TMEM39A: variants seen among roughly 807,000 people sequenced by gnomAD.
The protein encoded by TMEM39A is transmembrane protein 39A, also known as suppressor of SQST-1 aggregates in rpl-43 mutants.
In TMEM39A, 19 loss-of-function variants were observed where a neutral mutation model predicts 51.9. The observed-to-expected ratio is 0.37, with a 90% confidence interval of 0.26 to 0.54. TMEM39A has a LOEUF of 0.54. Among genes scored for constraint, TMEM39A ranks in the 20% least tolerant of loss-of-function variants. The probability of loss-of-function intolerance (pLI) is 0.88; values close to 1 mark genes in which losing one functional copy is unlikely to be tolerated. For synonymous variants in TMEM39A, 197 were observed against 220.2 expected (o/e 0.89, Z 0.93); for missense variants, 433 against 590.5 (o/e 0.73, Z 2.76).
chr3:119,458,329 C>A, intron 2 of TMEM39A, 89 bp from the exon 3 acceptor site: 2 of 1,061,110 alleles, frequency 1.9e-6, no homozygotes, highest in Non-Finnish European at 1.4e-6. Context: ...TCCATCTACC[C>A]CTTCACTGTC....
intron 5 of TMEM39A, among the ~76,000 whole-genome samples, chr3:119,444,255 C>T (rs1162339641): frequency 2.0e-5 from 3 of 152,074 alleles, no homozygotes; most frequent in African/African-American, 2.4e-5. Context: ...CATAATTAGC[C>T]GTTCAAATCA....
intron 3 of TMEM39A, among the ~76,000 whole-genome samples, chr3:119,455,458 G>A (rs2081251806): frequency 6.6e-6 from 1 of 152,188 alleles, no homozygotes; most frequent in African/African-American, 2.4e-5. Flanking sequence ...TTCCTCTACT[G>A]CAGAGGCTGG....
chr3:119,462,066 A>G lies in TMEM39A; in HGVS notation c.9T>C (p.Gly3=), dbSNP rs773515687. 1.5e-5 allele frequency: 24 copies of G among 1,613,842 alleles called. No homozygotes were observed. Among genetic ancestry groups the G allele is most frequent in the Non-Finnish European group, 1.9e-5 (23 of 1,179,954 alleles). The change falls in exon 2 of 9, where the codon GGT becomes GGC. Residue 3 remains glycine, a synonymous_variant. Transcript: ENST00000319172. Reference sequence around the variant, plus strand: ...GTTGCCGACTAGGGCCCCTCCTTCCACCGGGCATGTCCAGGAACCAGTCTG... The same window carrying G: ...GTTGCCGACTAGGGCCCCTCCTTCCGCCGGGCATGTCCAGGAACCAGTCTG... The part of the protein sequence containing the change: MP[G]GRRGPSRQQL...
intron 5 of TMEM39A, among the ~76,000 whole-genome samples, chr3:119,439,053 T>TA (rs1277650123): frequency 1.3e-5 from 2 of 151,704 alleles, no homozygotes; most frequent in Admixed American, 6.6e-5. Context: ...TTCTCATTAA[T>TA]AAAAAAAAAT....
intron 3 of TMEM39A, among the ~76,000 whole-genome samples, chr3:119,454,771 G>A (rs2081243673): frequency 6.6e-6 from 1 of 152,046 alleles, no homozygotes; most frequent in Non-Finnish European, 1.5e-5. Flanking sequence ...CCTGCTGACA[G>A]AGCCAAACTC....
In TMEM39A at chr3:119,462,978, C is replaced by G. The variant is rs556917733; in HGVS notation, c.-75+358G>C. Among the ~76,000 whole-genome samples, 5 of 151,512 alleles carry G rather than the reference C, an allele frequency of 3.3e-5. No individual in the cohort carries two copies. The South Asian group carries it at 1.0e-3, about 32-fold the overall frequency. On this transcript the variant is annotated intron_variant, in intron 1 of 8. Coordinates refer to ENST00000319172, the MANE Select transcript of TMEM39A (RefSeq NM_018266.3). ...GGATACCAATGTTTCCTAAACAATA[C>G]AACTAAAACCCAAGGATGACACTGG...
chr3:119,452,671 T>C (rs1234611898), intron 3 of TMEM39A, 141 bp from the exon 4 acceptor site: 4 of 595,032 alleles, frequency 6.7e-6, no homozygotes, highest in Admixed American at 3.3e-5. Flanking sequence ...ATGAGAGATC[T>C]TGAAGAGACT....
At chr3:119,461,279 G>C (rs572660263) in intron 2 of TMEM39A, among the ~76,000 whole-genome samples, 1 of 152,074 alleles carries the variant, frequency 6.6e-6, no homozygotes, top group South Asian at 2.1e-4. Flanking sequence ...GGTGGAAGAG[G>C]GATTGGAAAG....
At chr3:119,452,403 T>C (rs370280595) in intron 4 of TMEM39A, 44 bp downstream of exon 4, 2 of 1,501,030 alleles carry the variant, frequency 1.3e-6, no homozygotes, top group Non-Finnish European at 1.8e-6. Context: ...TTCTAGTAAC[T>C]AACTCTAGCT....
chr3:119,432,797 C>G (rs2080918068), intron 8 of TMEM39A, among the ~76,000 whole-genome samples: 1 of 152,096 alleles, frequency 6.6e-6, no homozygotes, highest in Admixed American at 6.6e-5. Context: ...TGGTCACTGA[C>G]TGAAATCCTC....
intron 4 of TMEM39A, among the ~76,000 whole-genome samples, chr3:119,450,074 A>G (rs2081178979): frequency 6.6e-6 from 1 of 152,246 alleles, no homozygotes; most frequent in Non-Finnish European, 1.5e-5. Context: ...TTATCCATCT[A>G]ATTTAGATAT....
At chr3:119,461,398 A>G (rs1017774284) in intron 2 of TMEM39A, among the ~76,000 whole-genome samples, 1 of 152,254 alleles carries the variant, frequency 6.6e-6, no homozygotes, top group African/African-American at 2.4e-5. Context: ...GAAAATTAAA[A>G]TCAAGACAAG....
chr3:119,438,430 T>G (rs13323211), intron 5 of TMEM39A, among the ~76,000 whole-genome samples: 438 of 152,346 alleles, frequency 2.9e-3, no homozygotes, highest in African/African-American at 9.9e-3. Context: ...TGTATTATAG[T>G]TACATATGCT....
intron 5 of TMEM39A, among the ~76,000 whole-genome samples, chr3:119,443,436 C>T (rs532150714): frequency 3.9e-5 from 6 of 152,194 alleles, no homozygotes; most frequent in South Asian, 4.1e-4. Flanking sequence ...CAAAGCCATC[C>T]CAACCTTCAG....
chr3:119,451,830 CAAAAAAAAAA>C (rs10653676), intron 4 of TMEM39A, among the ~76,000 whole-genome samples: 12 of 54,284 alleles, frequency 2.2e-4, no homozygotes, highest in African/African-American at 8.2e-4. Flanking sequence ...AACTCCGTCT[CAAAAAAAAAA>C]AAAAAAAAAA....
chr3:119,452,369 C>T (rs1560018180), intron 4 of TMEM39A, 78 bp downstream of exon 4: 8 of 995,654 alleles, frequency 8.0e-6, no homozygotes, highest in Admixed American at 6.1e-5. Flanking sequence ...AATGGGGACA[C>T]GTCACGTTTT....
At chr3:119,443,678 G>C (rs747558837) in intron 5 of TMEM39A, among the ~76,000 whole-genome samples, 5 of 152,106 alleles carry the variant, frequency 3.3e-5, no homozygotes, top group Non-Finnish European at 5.9e-5. Flanking sequence ...CACTTTGGGA[G>C]GCCAAGGCAA....
At chr3:119,433,018 A>G (rs1222432115) in intron 8 of TMEM39A, among the ~76,000 whole-genome samples, 2 of 152,208 alleles carry the variant, frequency 1.3e-5, no homozygotes, top group African/African-American at 4.8e-5. Flanking sequence ...ATACAAACAT[A>G]TAGGCCACAA....
chr3:119,459,111 C>G (rs2081303734), intron 2 of TMEM39A, among the ~76,000 whole-genome samples: 1 of 152,172 alleles, frequency 6.6e-6, no homozygotes, highest in Non-Finnish European at 1.5e-5. Flanking sequence ...AAAAAGAATG[C>G]AGGTGTTCAA....
Sources: gnomAD v4.1 joint callset for allele counts (sites outside exome capture counted in the v4.1 genomes callset) on GRCh38, gnomAD v4.1.1 for gene constraint, MANE v1.5 for transcripts, NCBI Gene and HGNC (gene_info 2026-07-23, HGNC 2026-07-21) for gene names.